HTR1F: variants seen among roughly 807,000 people sequenced by gnomAD.
HTR1F encodes the protein 5-hydroxytryptamine receptor 1F.
Under a neutral mutation model 24.0 loss-of-function variants are expected in HTR1F, and 17 were observed. The observed-to-expected ratio is 0.71, with a 90% confidence interval of 0.48 to 1.06. The LOEUF (loss-of-function observed/expected upper bound fraction) is 1.06. Among genes scored for constraint, HTR1F ranks in the 50% least tolerant of loss-of-function variants. The pLI is 0.00. For missense variants in HTR1F, 391 were observed against 427.8 expected, an observed-to-expected ratio of 0.91 and a Z score of 0.76; for synonymous variants, 186 against 156.8, an observed-to-expected ratio of 1.19 and a Z score of -1.39.
chr3:87,937,606 T>A (rs561935708), intron 2 of HTR1F, among the ~76,000 whole-genome samples: 17 of 152,082 alleles, frequency 1.1e-4, no homozygotes, highest in African/African-American at 3.1e-4. Context: ...GTACTGGAAG[T>A]CCTCACCAGA....
At chr3:87,805,847 T>C (rs917829652) in intron 1 of HTR1F, among the ~76,000 whole-genome samples, 5 of 152,156 alleles carry the variant, frequency 3.3e-5, no homozygotes, top group African/African-American at 1.2e-4. Context: ...TTGCTAATTA[T>C]AGTTACCATA....
At chr3:87,871,045 AAAAT>A (rs1705544448) in intron 2 of HTR1F, among the ~76,000 whole-genome samples, 1 of 151,996 alleles carries the variant, frequency 6.6e-6, no homozygotes, top group African/African-American at 2.4e-5. Context: ...TCATGGAAGC[AAAAT>A]AAATATTCAG....
intron 1 of HTR1F, among the ~76,000 whole-genome samples, chr3:87,807,675 A>T (rs575026055): frequency 1.4e-4 from 21 of 152,034 alleles, no homozygotes; most frequent in African/African-American, 5.1e-4. Flanking sequence ...GAGTGGGGAA[A>T]GTTGTCATCC....
At chr3:87,807,895 T>C (rs1704099018) in intron 1 of HTR1F, among the ~76,000 whole-genome samples, 1 of 152,072 alleles carries the variant, frequency 6.6e-6, no homozygotes, top group African/African-American at 2.4e-5. Flanking sequence ...TTTTTGTACT[T>C]CATTCTGTTG....
At chr3:87,847,547 A>C (rs957846310) in intron 2 of HTR1F, among the ~76,000 whole-genome samples, 1 of 151,746 alleles carries the variant, frequency 6.6e-6, no homozygotes, top group East Asian at 1.9e-4. Context: ...TATCATTGCA[A>C]GTTCCTCTCT....
At chr3:87,927,485 A>G (rs1219615773) in intron 2 of HTR1F, among the ~76,000 whole-genome samples, 5 of 152,280 alleles carry the variant, frequency 3.3e-5, no homozygotes, top group South Asian at 2.1e-4. Context: ...TCAGGCTTCA[A>G]TTGATCTCTA....
chr3:87,925,523 G>C (rs1704105061), intron 2 of HTR1F, among the ~76,000 whole-genome samples: 1 of 152,144 alleles, frequency 6.6e-6, no homozygotes, highest in Admixed American at 6.5e-5. Flanking sequence ...CATGGGCATA[G>C]TGAAATAAAA....
intron 2 of HTR1F, among the ~76,000 whole-genome samples, chr3:87,969,744 C>T (rs1394106760): frequency 6.6e-6 from 1 of 152,112 alleles, no homozygotes; most frequent in Non-Finnish European, 1.5e-5. Context: ...AATGTGAGGA[C>T]ATGAGATTGG....
At chr3:87,932,561 G>GT (rs1704306373) in intron 2 of HTR1F, among the ~76,000 whole-genome samples, 1 of 152,212 alleles carries the variant, frequency 6.6e-6, no homozygotes, top group East Asian at 1.9e-4. Flanking sequence ...CTTTAAAGTA[G>GT]TTTTTTCCAA....
At chr3:87,821,963 G>A (rs142528824) in intron 1 of HTR1F, among the ~76,000 whole-genome samples, 45 bp from the exon 2 acceptor site, 4 of 152,278 alleles carry the variant, frequency 2.6e-5, no homozygotes, top group African/African-American at 9.6e-5. Context: ...AAAATTTCAG[G>A]AGAAGAGACA....
In HTR1F at chr3:87,792,742, C is replaced by A. The variant is rs1403226077; in HGVS notation, c.-260C>A. Among the ~76,000 whole-genome samples the A allele has an allele frequency of 5.3e-5, 8 of 152,198 alleles. No homozygotes were observed. The highest frequency in any genetic ancestry group is 1.9e-4 in the African/African-American group (8 of 41,468). Reference sequence around the variant, plus strand: ...CGCGGCCCCGAAAGCTGGCGACAGGCGCTGCTGTCTTCCCGCCCCGTGGGG... The same window carrying A: ...CGCGGCCCCGAAAGCTGGCGACAGGAGCTGCTGTCTTCCCGCCCCGTGGGG... On this transcript the variant is annotated 5_prime_UTR_variant, in exon 1 of 3. Transcript: ENST00000319595.
At chr3:87,948,635 C>A (rs1252769848) in intron 2 of HTR1F, among the ~76,000 whole-genome samples, 3 of 151,952 alleles carry the variant, frequency 2.0e-5, no homozygotes, top group Non-Finnish European at 2.9e-5. Context: ...CAGGCTCATA[C>A]CAAAATAAGC....
chr3:87,970,055 C>T (rs1031868131), intron 2 of HTR1F, among the ~76,000 whole-genome samples: 3 of 152,222 alleles, frequency 2.0e-5, no homozygotes, highest in Non-Finnish European at 4.4e-5. Context: ...GTCTTTTAAA[C>T]TTCTCTTTCT....
chr3:87,935,012 C>T lies in HTR1F; in HGVS notation c.-42-55696C>T, dbSNP rs1704377147. Among the ~76,000 whole-genome samples, 3 of 152,096 alleles carry T rather than the reference C, an allele frequency of 2.0e-5. No individual in the cohort carries two copies. In the South Asian group the frequency reaches 6.2e-4, roughly 32 times the overall value. The stretch of plus-strand genomic sequence containing the variant: ...TCACAAGTAGCTGGGACCAAAGTCC[C>T]GTTCCACCAGACCCAACTAATTTTC... On this transcript the variant is annotated intron_variant, in intron 2 of 2. Coordinates refer to ENST00000319595, the MANE Select transcript of HTR1F (RefSeq NM_001322209.2).
chr3:87,929,648 C>T (rs1251866039), intron 2 of HTR1F, among the ~76,000 whole-genome samples: 1 of 152,050 alleles, frequency 6.6e-6, no homozygotes, highest in Non-Finnish European at 1.5e-5. Context: ...TACTCAGTTC[C>T]ATTGGTCTAT....
At chr3:87,883,297 C>T (rs1356577427) in intron 2 of HTR1F, among the ~76,000 whole-genome samples, 1 of 152,156 alleles carries the variant, frequency 6.6e-6, no homozygotes, top group Non-Finnish European at 1.5e-5. Flanking sequence ...AGGACACCCA[C>T]ACTAAAACCC....
At chr3:87,805,166 A>G (rs1167392824) in intron 1 of HTR1F, among the ~76,000 whole-genome samples, 1 of 151,674 alleles carries the variant, frequency 6.6e-6, no homozygotes, top group Admixed American at 6.6e-5. Context: ...TTTAGTTATT[A>G]TAAATTTTGT....
intron 2 of HTR1F, among the ~76,000 whole-genome samples, chr3:87,823,517 T>TA (rs1704401501): frequency 1.9e-5 from 1 of 52,006 alleles, no homozygotes; most frequent in African/African-American, 2.9e-4. Context: ...TGGTCCCATA[T>TA]TTTTTTTTTT....
chr3:87,973,203 G>C (rs1225906091), intron 2 of HTR1F, among the ~76,000 whole-genome samples: 1 of 151,872 alleles, frequency 6.6e-6, no homozygotes, highest in East Asian at 1.9e-4. Flanking sequence ...TCCCTATCAT[G>C]GACTCTAATT....
Sources: allele counts gnomAD v4.1 joint callset (sites outside exome capture counted in the v4.1 genomes callset), GRCh38; gene constraint gnomAD v4.1.1; transcripts MANE v1.5; gene names NCBI Gene and HGNC (gene_info 2026-07-23, HGNC 2026-07-21).